The following CTNNA3 variants were observed in gnomAD, a reference collection of about 807,000 sequenced individuals.
The protein encoded by CTNNA3 is catenin alpha-3.
A neutral mutation model predicts 95.7 loss-of-function variants in CTNNA3; 76 were observed. The observed-to-expected ratio is 0.79, with a 90% CI of 0.66 to 0.96. The LOEUF is 0.96. Ranked by LOEUF, CTNNA3 falls within the 40% of genes least tolerant of loss-of-function variation. CTNNA3 has a pLI of 0.00. For missense variants in CTNNA3, 1,191 were observed against 1,089.8 expected, an observed-to-expected ratio of 1.09 and a Z score of -1.31; for synonymous variants, 431 against 374.4, an observed-to-expected ratio of 1.15 and a Z score of -1.74.
At chr10:67,246,496 A>G (rs1865914874) in intron 5 of CTNNA3, among the ~76,000 whole-genome samples, 1 of 152,192 alleles carries the variant, frequency 6.6e-6, no homozygotes, top group South Asian at 2.1e-4. Context: ...CATATAGCAT[A>G]CCAGAGTTAG....
At chr10:66,192,777 G>T (rs1220941507) in intron 13 of CTNNA3, among the ~76,000 whole-genome samples, 1 of 151,844 alleles carries the variant, frequency 6.6e-6, no homozygotes, top group African/African-American at 2.4e-5. Context: ...TCCCCAGCTT[G>T]GTATAAATAA....
At chr10:67,622,473 A>G (rs1171108020) in intron 2 of CTNNA3, among the ~76,000 whole-genome samples, 3 of 152,220 alleles carry the variant, frequency 2.0e-5, no homozygotes, top group Non-Finnish European at 4.4e-5. Context: ...CATTAAAGTG[A>G]AGAAAATCAC....
At chr10:67,006,281 C>G (rs1197944330) in intron 7 of CTNNA3, among the ~76,000 whole-genome samples, 2 of 152,072 alleles carry the variant, frequency 1.3e-5, no homozygotes, top group Non-Finnish European at 2.9e-5. Context: ...CACCACTTAA[C>G]TATTAAGTGG....
chr10:66,517,067 A>G (rs868223811), intron 11 of CTNNA3, among the ~76,000 whole-genome samples: 5 of 152,076 alleles, frequency 3.3e-5, no homozygotes, highest in South Asian at 4.2e-4. Context: ...CTAAAAATCA[A>G]AAAAATTAGC....
chr10:66,954,373 C>T (rs942360353), intron 7 of CTNNA3, among the ~76,000 whole-genome samples: 5 of 152,202 alleles, frequency 3.3e-5, no homozygotes, highest in African/African-American at 1.2e-4. Context: ...TTTTGCAGGG[C>T]TCCTCAGTGA....
chr10:66,289,630 G>A (rs7912672), intron 12 of CTNNA3, among the ~76,000 whole-genome samples: 1,825 of 152,044 alleles, frequency 0.012, 44 homozygotes, highest in African/African-American at 0.041. Context: ...TTTAAATGCA[G>A]TAGGGGAGCT....
intron 6 of CTNNA3, among the ~76,000 whole-genome samples, chr10:67,190,569 T>C (rs1863074442): frequency 6.6e-6 from 1 of 151,938 alleles, no homozygotes; most frequent in East Asian, 1.9e-4. Flanking sequence ...AAAAAGATAA[T>C]TATGGACCAA....
intron 5 of CTNNA3, among the ~76,000 whole-genome samples, chr10:67,517,103 T>C (rs932647950): frequency 1.3e-5 from 2 of 152,198 alleles, no homozygotes; most frequent in African/African-American, 4.8e-5. Flanking sequence ...TCCATTTTCT[T>C]TGGATATATA....
chr10:67,386,424 CTAACA>C (rs1251135389), intron 5 of CTNNA3, among the ~76,000 whole-genome samples: 3 of 152,210 alleles, frequency 2.0e-5, no homozygotes, highest in Admixed American at 2.0e-4. Context: ...TTCTGCCCCT[CTAACA>C]TACCACATAC....
intron 13 of CTNNA3, among the ~76,000 whole-genome samples, chr10:66,143,111 A>G (rs2083700007): frequency 6.6e-6 from 1 of 152,072 alleles, no homozygotes; most frequent in African/African-American, 2.4e-5. Flanking sequence ...AGAATATACC[A>G]CCACCATTAT....
At chr10:67,596,013 T>C (rs1001496152) in intron 3 of CTNNA3, among the ~76,000 whole-genome samples, 2 of 152,178 alleles carry the variant, frequency 1.3e-5, no homozygotes, top group African/African-American at 4.8e-5. Flanking sequence ...TTTGAACATA[T>C]GGGTGTCACT....
intron 5 of CTNNA3, among the ~76,000 whole-genome samples, chr10:67,366,595 C>A (rs1843228382): frequency 6.6e-6 from 1 of 151,916 alleles, no homozygotes; most frequent in Non-Finnish European, 1.5e-5. Flanking sequence ...GAGCAGGAAT[C>A]CTGCCACTGC....
intron 9 of CTNNA3, among the ~76,000 whole-genome samples, chr10:66,740,493 G>C (rs1281602282): frequency 6.6e-6 from 1 of 152,100 alleles, no homozygotes; most frequent in Non-Finnish European, 1.5e-5. Flanking sequence ...CATTGAATTA[G>C]TCCCTTTTTC....
intron 12 of CTNNA3, among the ~76,000 whole-genome samples, chr10:66,364,015 T>C (rs957459595): frequency 1.3e-5 from 2 of 152,158 alleles, no homozygotes; most frequent in East Asian, 1.9e-4. Context: ...AGATCACTTA[T>C]TGTTGGTAAG....
At chr10:67,667,379 T>C (rs7902585) in intron 1 of CTNNA3, among the ~76,000 whole-genome samples, 13,407 of 152,174 alleles carry the variant, frequency 0.088, 1,373 homozygotes, top group African/African-American at 0.25. Flanking sequence ...AAATTTATCT[T>C]GGCTGAAGAT....
intron 11 of CTNNA3, among the ~76,000 whole-genome samples, chr10:66,444,105 C>G (rs1035865899): frequency 6.6e-6 from 1 of 151,926 alleles, no homozygotes; most frequent in Non-Finnish European, 1.5e-5. Flanking sequence ...GAAATGAAGT[C>G]AGAAGGGAAG....
intron 17 of CTNNA3, among the ~76,000 whole-genome samples, chr10:65,936,579 T>C (rs1564525727): frequency 6.6e-6 from 1 of 152,074 alleles, no homozygotes; most frequent in African/African-American, 2.4e-5. Context: ...TTATCATATT[T>C]CCAATTGCCT....
At chr10:66,388,588 A>G (rs1365166174) in intron 11 of CTNNA3, among the ~76,000 whole-genome samples, 2 of 152,146 alleles carry the variant, frequency 1.3e-5, no homozygotes, top group Admixed American at 6.6e-5. Flanking sequence ...GTCTGAGGCC[A>G]TAGTGTTAAA....
At chr10:66,862,420 A>T (rs1366346120) in intron 7 of CTNNA3, among the ~76,000 whole-genome samples, 2 of 152,192 alleles carry the variant, frequency 1.3e-5, no homozygotes, top group Non-Finnish European at 2.9e-5. Flanking sequence ...AGGTATGAAT[A>T]AAAATAACAT....
Sources: gnomAD v4.1 joint callset for allele counts (sites outside exome capture counted in the v4.1 genomes callset) on GRCh38, gnomAD v4.1.1 for gene constraint, MANE v1.5 for transcripts, NCBI Gene and HGNC (gene_info 2026-07-23, HGNC 2026-07-21) for gene names.